GPHN: variants seen among roughly 807,000 people sequenced by gnomAD.
The protein encoded by GPHN is gephyrin.
Under a neutral mutation model 95.5 loss-of-function variants are expected in GPHN, and 17 were observed. The ratio of observed to expected loss-of-function variants is 0.18; its 90% CI spans 0.12 to 0.27. GPHN has a LOEUF of 0.27. Ranked by LOEUF, GPHN falls within the 10% of genes least tolerant of loss-of-function variation. The pLI, the probability that GPHN is intolerant of heterozygous loss-of-function variation, is 1.00. For missense variants in GPHN, 660 were observed against 978.1 expected (o/e 0.67, Z 4.34); for synonymous variants, 320 against 322.5 (o/e 0.99, Z 0.08).
At chr14:67,470,825 G>C in the GPHN span, 1 of 152,720 alleles carries the variant, frequency 6.5e-6, no homozygotes, top group Non-Finnish European at 1.5e-5. Flanking sequence ...GCCATGTCTA[G>C]TGGAGAGAGG....
chr14:66,593,233 C>T (rs2061832724), intron 1 of GPHN, among the ~76,000 whole-genome samples: 1 of 151,412 alleles, frequency 6.6e-6, no homozygotes, highest in African/African-American at 2.4e-5. Flanking sequence ...ACCACCATAG[C>T]ATGTGTATGT....
At chr14:67,622,779 T>TA in the GPHN span, among the ~76,000 whole-genome samples, 17 of 152,352 alleles carry the variant, frequency 1.1e-4, no homozygotes, top group Admixed American at 6.5e-5. Flanking sequence ...CAAATTGCTC[T>TA]ACCGTCTGTA....
At chr14:67,725,085 T>C in the GPHN span, 2 of 1,614,198 alleles carry the variant, frequency 1.2e-6, no homozygotes, top group East Asian at 4.5e-5. Flanking sequence ...GCTCTTTTTT[T>C]GTCTTGGACC....
intron 3 of GPHN, among the ~76,000 whole-genome samples, chr14:66,777,648 G>A (rs895991413): frequency 2.2e-4 from 33 of 152,112 alleles, no homozygotes; most frequent in African/African-American, 6.5e-4. Flanking sequence ...CTTCATCCCT[G>A]GGATGCAAGG....
chr14:67,168,173 C>G (rs1246202028), intron 20 of GPHN, among the ~76,000 whole-genome samples: 2 of 152,212 alleles, frequency 1.3e-5, no homozygotes, highest in African/African-American at 4.8e-5. Context: ...AGGCCTCTCT[C>G]CCTGGCTTGT....
chr14:67,230,033 C>A, the GPHN span, among the ~76,000 whole-genome samples: 2 of 152,174 alleles, frequency 1.3e-5, no homozygotes, highest in African/African-American at 2.4e-5. Flanking sequence ...TAGGTATATA[C>A]GTAAACCAAC....
At chr14:67,549,647 G>A in the GPHN span, among the ~76,000 whole-genome samples, 1 of 152,178 alleles carries the variant, frequency 6.6e-6, no homozygotes, top group Non-Finnish European at 1.5e-5. Context: ...CAGGAACCAT[G>A]TATGGATGAG....
chr14:66,795,851 TTTTAG>T (rs2060137423), intron 3 of GPHN, among the ~76,000 whole-genome samples: 1 of 152,156 alleles, frequency 6.6e-6, no homozygotes, highest in African/African-American at 2.4e-5. Context: ...AATTATACTC[TTTTAG>T]TTATTTTTAA....
chr14:66,756,491 G>A (rs777813264), intron 2 of GPHN, among the ~76,000 whole-genome samples: 17 of 151,944 alleles, frequency 1.1e-4, no homozygotes, highest in Non-Finnish European at 2.2e-4. Context: ...TTGTATCCAC[G>A]GTGGTCCTGG....
the GPHN span, chr14:67,651,751 A>AAAT: frequency 1.0e-5 from 3 of 286,048 alleles, no homozygotes; most frequent in Non-Finnish European, 2.0e-5. Flanking sequence ...CTTCCTTTAA[A>AAAT]AATAGCTTTT....
intron 4 of GPHN, among the ~76,000 whole-genome samples, chr14:66,844,301 A>C (rs905995270): frequency 6.6e-6 from 1 of 152,150 alleles, no homozygotes; most frequent in Non-Finnish European, 1.5e-5. Context: ...AGTACTTGGC[A>C]TCTAAAAATA....
rs551092391 is a variant in GPHN, at chr14:66,586,662, G to T, written c.64+78071G>T. Among the ~76,000 whole-genome samples the T allele has an allele frequency of 2.6e-5, 4 of 152,246 alleles. No homozygotes were observed. The South Asian group carries it at 6.2e-4, about 24-fold the overall frequency. ...TCACTTATGAAGCTTAGTTTGGCTGGATATGAAATTCTGGGTTGAAAATTC... is the reference window on the plus strand; with the variant it reads ...TCACTTATGAAGCTTAGTTTGGCTGTATATGAAATTCTGGGTTGAAAATTC... On this transcript the variant is annotated intron_variant, in intron 1 of 22. Coordinates refer to ENST00000478722, the MANE Select transcript of GPHN (RefSeq NM_020806.5).
At chr14:66,893,839 A>G (rs2064667106) in intron 5 of GPHN, among the ~76,000 whole-genome samples, 1 of 152,214 alleles carries the variant, frequency 6.6e-6, no homozygotes, top group African/African-American at 2.4e-5. Context: ...GAGAACTACA[A>G]ATTACTGCTC....
chr14:67,428,719 A>G, the GPHN span, among the ~76,000 whole-genome samples: 1 of 152,124 alleles, frequency 6.6e-6, no homozygotes, highest in African/African-American at 2.4e-5. Context: ...CCCTCACCCT[A>G]CTCAACGCTG....
chr14:67,328,263 G>T, the GPHN span, among the ~76,000 whole-genome samples: 3 of 152,152 alleles, frequency 2.0e-5, no homozygotes, highest in African/African-American at 7.2e-5. Flanking sequence ...TGTGTCTGTT[G>T]GCTGCATGAA....
chr14:66,920,341 G>A (rs1012300860), intron 6 of GPHN, among the ~76,000 whole-genome samples: 2 of 151,904 alleles, frequency 1.3e-5, no homozygotes, highest in African/African-American at 2.4e-5. Context: ...TTTTTAGAAT[G>A]TATTTATTTA....
At chr14:66,726,175 C>T (rs979221744) in intron 2 of GPHN, among the ~76,000 whole-genome samples, 2 of 152,156 alleles carry the variant, frequency 1.3e-5, no homozygotes, top group Admixed American at 6.5e-5. Flanking sequence ...CTTATCTACT[C>T]CCGTTCAAAT....
chr14:66,602,008 G>T (rs1421017750), intron 1 of GPHN, among the ~76,000 whole-genome samples: 1 of 151,886 alleles, frequency 6.6e-6, no homozygotes, highest in Non-Finnish European at 1.5e-5. Flanking sequence ...TATCATAGGT[G>T]GTGGATGTGT....
intron 4 of GPHN, among the ~76,000 whole-genome samples, chr14:66,861,883 A>T (rs2063037269): frequency 6.6e-6 from 1 of 152,112 alleles, no homozygotes; most frequent in African/African-American, 2.4e-5. Context: ...CCTACATCAA[A>T]AAAAGGAAAA....
Sources: allele counts gnomAD v4.1 joint callset (sites outside exome capture counted in the v4.1 genomes callset), GRCh38; gene constraint gnomAD v4.1.1; transcripts MANE v1.5; gene names NCBI Gene and HGNC (gene_info 2026-07-23, HGNC 2026-07-21).